The following ACSM1 variants were observed in gnomAD, a reference collection of about 807,000 sequenced individuals.
ACSM1 encodes the protein acyl-CoA synthetase medium chain family member 1, also known as acyl-coenzyme A synthetase ACSM1, mitochondrial.
In ACSM1, 79 loss-of-function variants were observed where a neutral mutation model predicts 75.8. The ratio of observed to expected loss-of-function variants is 1.04; its 90% confidence interval spans 0.87 to 1.26. The LOEUF is 1.26. Among genes scored for constraint, ACSM1 ranks in the 50% most tolerant of loss-of-function variants. ACSM1 has a pLI of 0.00. For synonymous variants in ACSM1, 279 were observed against 265.8 expected (o/e 1.05, Z -0.48); for missense variants, 676 against 720.1 (o/e 0.94, Z 0.70).
intron 3 of ACSM1, among the ~76,000 whole-genome samples, chr16:20,683,316 T>C (rs1305241121): frequency 2.6e-5 from 4 of 151,896 alleles, no homozygotes; most frequent in African/African-American, 7.3e-5. Context: ...TTAGTAGAGA[T>C]AGGTTTTCAC....
chr16:20,664,147 G>GTATGTATTTATTTATTTATT lies in ACSM1; in HGVS notation c.913-2275_913-2274insAATAAATAAATAAATACATA, dbSNP rs143982261. Reference sequence around the variant, plus strand: ...ATGTTTTGTTTTACTAAATTGAATAGTATTTATTTATTTATTTATTTATTT... The same window carrying GTATGTATTTATTTATTTATT: ...ATGTTTTGTTTTACTAAATTGAATAGTATGTATTTATTTATTTATTTATTTATTTATTTATTTATTTATTT... On this transcript the variant is annotated intron_variant, in intron 6 of 13. Coordinates refer to ENST00000520010, the MANE Select transcript of ACSM1 (RefSeq NM_001318890.3). Among the ~76,000 whole-genome samples the GTATGTATTTATTTATTTATT allele has an allele frequency of 8.1e-4, 118 of 145,604 alleles. 1 individual carries two copies. Among genetic ancestry groups the GTATGTATTTATTTATTTATT allele is most frequent in the African/African-American group, 2.7e-3 (109 of 39,670 alleles).
chr16:20,640,356 A>G (rs1345783429), intron 8 of ACSM1, 105 bp downstream of exon 8: 2 of 1,321,838 alleles, frequency 1.5e-6, no homozygotes. Flanking sequence ...ATCTTTGGGG[A>G]AAGGCACAAA....
At chr16:20,640,389 T>C in intron 8 of ACSM1, 72 bp downstream of exon 8, 1 of 1,578,340 alleles carries the variant, frequency 6.3e-7, no homozygotes, top group Non-Finnish European at 8.7e-7. Flanking sequence ...ATGCGTGTCA[T>C]TAACCTTAGC....
intron 4 of ACSM1, among the ~76,000 whole-genome samples, chr16:20,678,113 G>C (rs1002026418): frequency 6.6e-6 from 1 of 152,096 alleles, no homozygotes; most frequent in African/African-American, 2.4e-5. Context: ...TCTCCTCCCA[G>C]AGATTCCCCT....
rs566406851 is a variant in ACSM1 at position 20,653,873 on chromosome 16, A to C, written c.992+7921T>G. ...CAATGCCATCCCCATCAAGCTACCA[A>C]TGACTTTCTTCACAGAATTGGAAAA... is the stretch of plus-strand genomic sequence containing the variant. On this transcript the variant is annotated intron_variant, in intron 7 of 13. Transcript: ENST00000520010. Among the ~76,000 whole-genome samples the C allele has an allele frequency of 1.5e-4, 23 of 152,258 alleles. No individual in the cohort carries two copies. The East Asian group carries it at 3.7e-3, about 24-fold the overall frequency.
chr16:20,625,676 G>C (rs2016881836), intron 11 of ACSM1, among the ~76,000 whole-genome samples, 154 bp from the exon 12 acceptor site: 1 of 152,230 alleles, frequency 6.6e-6, no homozygotes, highest in South Asian at 2.1e-4. Flanking sequence ...GGCCCAAAGT[G>C]TAAAGACCTG....
intron 7 of ACSM1, among the ~76,000 whole-genome samples, chr16:20,650,439 C>T (rs231921): frequency 0.081 from 12,360 of 152,004 alleles, 639 homozygotes; most frequent in East Asian, 0.21. Flanking sequence ...ACAGGGAAAT[C>T]CCCAACAAAA....
At chr16:20,642,160 G>A (rs542637627) in intron 7 of ACSM1, among the ~76,000 whole-genome samples, 8 of 152,280 alleles carry the variant, frequency 5.3e-5, no homozygotes, top group Admixed American at 1.3e-4. Flanking sequence ...TTTGGTCAAC[G>A]TGGGCACTAA....
intron 7 of ACSM1, among the ~76,000 whole-genome samples, chr16:20,654,480 A>G (rs1164595656): frequency 6.6e-6 from 1 of 152,242 alleles, no homozygotes; most frequent in Non-Finnish European, 1.5e-5. Flanking sequence ...AGAATGGGAG[A>G]AAATTTTTGC....
intron 10 of ACSM1, among the ~76,000 whole-genome samples, chr16:20,634,947 C>T (rs2017573049): frequency 6.6e-6 from 1 of 152,050 alleles, no homozygotes; most frequent in Non-Finnish European, 1.5e-5. Context: ...AGTAGAATTG[C>T]TGGGTCTCAT....
At chr16:20,632,587 C>T (rs749352191) in intron 10 of ACSM1, among the ~76,000 whole-genome samples, 5 of 152,222 alleles carry the variant, frequency 3.3e-5, no homozygotes, top group Admixed American at 6.5e-5. Context: ...GATGGCTTCA[C>T]TGATGAGTTC....
At chr16:20,639,727 C>T (rs139128643) in intron 8 of ACSM1, among the ~76,000 whole-genome samples, 17 of 152,320 alleles carry the variant, frequency 1.1e-4, no homozygotes, top group Non-Finnish European at 2.4e-4. Flanking sequence ...TGCGATGGGG[C>T]TGTGTCCCGC....
intron 10 of ACSM1, among the ~76,000 whole-genome samples, 196 bp from the exon 11 acceptor site, chr16:20,627,512 A>G (rs1317757330): frequency 1.3e-5 from 2 of 152,122 alleles, no homozygotes; most frequent in Non-Finnish European, 2.9e-5. Flanking sequence ...GTTGTGATTA[A>G]ACCAATTTCA....
intron 4 of ACSM1, among the ~76,000 whole-genome samples, chr16:20,672,471 A>AATATATATATATATATATATAT (rs1392857890): frequency 6.2e-5 from 4 of 64,550 alleles, no homozygotes; most frequent in African/African-American, 2.5e-4. Context: ...AAAAAAAAAA[A>AATATATATATATATATATATAT]ATATATATAT....
At position 20,691,098 on chromosome 16, in the gene ACSM1, A is replaced by AC. The variant is rs2079645371; in HGVS notation, c.90dup (p.Ser31ValfsTer12). ...CTTGGGGCTCCAAATTCTGATAAAG[A>AC]CCGGCAGCGCAGCTGTGAAGGGGCA... On this transcript the variant is annotated frameshift_variant, in exon 2 of 14. Coordinates refer to ENST00000520010, the MANE Select transcript of ACSM1 (RefSeq NM_001318890.3). LOFTEE classifies it high-confidence loss of function. 1 of 1,613,406 alleles carries AC rather than the reference A, an allele frequency of 6.2e-7. No individual in the cohort carries two copies.
intron 10 of ACSM1, among the ~76,000 whole-genome samples, chr16:20,627,764 G>A (rs1209693097): frequency 6.6e-6 from 1 of 151,064 alleles, no homozygotes; most frequent in African/African-American, 2.4e-5. Flanking sequence ...GGGAGGTGGA[G>A]GTTGCAGTGA....
At chr16:20,669,332 T>C (rs2019748926) in intron 6 of ACSM1, among the ~76,000 whole-genome samples, 1 of 152,102 alleles carries the variant, frequency 6.6e-6, no homozygotes, top group Non-Finnish European at 1.5e-5. Flanking sequence ...AGGAAACTGA[T>C]GCTCAGAGTG....
intron 4 of ACSM1, chr16:20,674,007 T>C (rs1051735612): frequency 7.5e-6 from 3 of 402,136 alleles, no homozygotes. Flanking sequence ...AGCAAAACAG[T>C]GACATAAGTG....
At chr16:20,626,741 T>C (rs1298179608) in intron 11 of ACSM1, among the ~76,000 whole-genome samples, 1 of 151,884 alleles carries the variant, frequency 6.6e-6, no homozygotes, top group East Asian at 1.9e-4. Context: ...TAATAATAGA[T>C]TTATTATGCT....
Sources: gnomAD v4.1 joint callset for allele counts (sites outside exome capture counted in the v4.1 genomes callset) on GRCh38, gnomAD v4.1.1 for gene constraint, MANE v1.5 for transcripts, NCBI Gene and HGNC (gene_info 2026-07-23, HGNC 2026-07-21) for gene names.